Variants in GLIPR1L2 observed in about 807,000 individuals in gnomAD.
GLIPR1L2 encodes GLIPR1-like protein 2.
In GLIPR1L2, 21 loss-of-function variants were observed where a neutral mutation model predicts 28.4. That is an observed-to-expected ratio of 0.74 (90% CI 0.52 to 1.06). The LOEUF is 1.06. Among genes scored for constraint, GLIPR1L2 ranks in the 50% least tolerant of loss-of-function variants. GLIPR1L2 has a pLI of 0.00. For synonymous variants in GLIPR1L2, 145 were observed against 139.3 expected (o/e 1.04, Z -0.29); for missense variants, 476 against 416.9 (o/e 1.14, Z -1.23).
intron 1 of GLIPR1L2, among the ~76,000 whole-genome samples, chr12:75,398,190 GT>G (rs2045701351): frequency 6.6e-6 from 1 of 151,704 alleles, no homozygotes; most frequent in Admixed American, 6.6e-5. Flanking sequence ...ATTGCCGAGC[GT>G]TGTGGCAGGC....
chr12:75,418,687 T>G (rs1396311433), intron 3 of GLIPR1L2, among the ~76,000 whole-genome samples: 2 of 152,176 alleles, frequency 1.3e-5, no homozygotes, highest in South Asian at 2.1e-4. Context: ...ATATGAAATT[T>G]AAAGTAGTTT....
intron 1 of GLIPR1L2, among the ~76,000 whole-genome samples, chr12:75,404,623 T>A (rs2045776671): frequency 6.6e-6 from 1 of 152,078 alleles, no homozygotes; most frequent in Non-Finnish European, 1.5e-5. Flanking sequence ...AATAAAGATG[T>A]AGTAAAAATG....
chr12:75,412,573 A>G lies in GLIPR1L2; in HGVS notation c.481-1025A>G, dbSNP rs2045879546. Among the ~76,000 whole-genome samples the G allele has an allele frequency of 2.0e-5, 3 of 152,192 alleles. No individual in the cohort carries two copies. In the South Asian group the frequency reaches 6.2e-4, roughly 32 times the overall value. On this transcript the variant is annotated intron_variant, in intron 2 of 5. Coordinates refer to ENST00000550916, the MANE Select transcript of GLIPR1L2 (RefSeq NM_001270396.2). ...ACTTCTCAAAAGAAGACATTTATGC[A>G]GCCAAAAAACACATGAAAAAATGCT...
chr12:75,424,289 G>A (rs1445849587), intron 4 of GLIPR1L2, among the ~76,000 whole-genome samples: 2 of 152,110 alleles, frequency 1.3e-5, no homozygotes, highest in African/African-American at 2.4e-5. Context: ...ATCTCATTGT[G>A]GTTTTGATTT....
chr12:75,401,351 G>A (rs961280908), intron 1 of GLIPR1L2, among the ~76,000 whole-genome samples: 7 of 149,104 alleles, frequency 4.7e-5, no homozygotes, highest in African/African-American at 1.7e-4. Flanking sequence ...TAGAAATGAA[G>A]ACTAAAGATA....
intron 1 of GLIPR1L2, among the ~76,000 whole-genome samples, chr12:75,406,842 C>T (rs1331732784): frequency 6.6e-6 from 1 of 151,204 alleles, no homozygotes; most frequent in African/African-American, 2.4e-5. Flanking sequence ...TCTCTCTCTA[C>T]TTAACCAAAC....
rs948400671 is a variant in GLIPR1L2, at chr12:75,432,214, G to A, written c.*1053G>A. ...CTTTTATTACTCAATTTTAAAATAG[G>A]CAAAAAGCAATGTATAATATTTTTC... On this transcript the variant is annotated 3_prime_UTR_variant, in exon 6 of 6. Transcript: ENST00000550916. 4 of 152,002 alleles carry A rather than the reference G, an allele frequency of 2.6e-5. No homozygotes were observed. Among genetic ancestry groups the A allele is most frequent in the African/African-American group, 7.3e-5 (3 of 41,376 alleles). The allele number at this position is 152,002 out of a possible 1,614,324, so 9.4% of individuals were successfully genotyped here.
At chr12:75,410,331 G>T in intron 1 of GLIPR1L2, 103 bp from the exon 2 acceptor site, 1 of 1,116,146 alleles carries the variant, frequency 9.0e-7, no homozygotes, top group Non-Finnish European at 1.2e-6. Flanking sequence ...CAAGTACAAA[G>T]TTAGAATTGT....
chr12:75,402,210 TACAG>T (rs1322693328), intron 1 of GLIPR1L2, among the ~76,000 whole-genome samples: 1 of 152,048 alleles, frequency 6.6e-6, no homozygotes, highest in African/African-American at 2.4e-5. Context: ...GCAAAGTAAA[TACAG>T]AAAGAGAAAA....
intron 3 of GLIPR1L2, among the ~76,000 whole-genome samples, chr12:75,414,456 T>G (rs1023553374): frequency 6.6e-6 from 1 of 152,070 alleles, no homozygotes; most frequent in Non-Finnish European, 1.5e-5. Flanking sequence ...ATAAAATGCT[T>G]TGGGACTAAA....
chr12:75,412,205 C>G (rs61932208), intron 2 of GLIPR1L2, among the ~76,000 whole-genome samples: 3,510 of 152,110 alleles, frequency 0.023, 56 homozygotes, highest in South Asian at 0.045. Flanking sequence ...TCATCTTCCT[C>G]TCTTCCAATA....
chr12:75,425,549 AG>A (rs1487831230), intron 4 of GLIPR1L2, among the ~76,000 whole-genome samples: 2 of 152,242 alleles, frequency 1.3e-5, no homozygotes, highest in Non-Finnish European at 2.9e-5. Flanking sequence ...GTCCCAGCAC[AG>A]GGCCAGCCCC....
intron 3 of GLIPR1L2, among the ~76,000 whole-genome samples, chr12:75,416,759 A>G (rs1466840875): frequency 6.6e-6 from 1 of 151,796 alleles, no homozygotes; most frequent in Non-Finnish European, 1.5e-5. Context: ...TTTTCTTGCT[A>G]CTCTCTTATT....
In GLIPR1L2 at chr12:75,410,681, T is replaced by A. The variant is rs1416108852; in HGVS notation, c.480+2T>A. 1 of 1,573,574 alleles carries A rather than the reference T, an allele frequency of 6.4e-7. No individual in the cohort carries two copies. Among genetic ancestry groups the A allele is most frequent in the East Asian group, 2.3e-5 (1 of 44,262 alleles). On this transcript the variant is annotated splice_donor_variant, in intron 2 of 5. Coordinates refer to ENST00000550916, the MANE Select transcript of GLIPR1L2 (RefSeq NM_001270396.2). LOFTEE classifies it high-confidence loss of function. ...GGAGACTGTTCTAATTATATTCAGG[T>A]ATGTAATTTTTATTTTGTTATTAAT...
chr12:75,417,405 T>A (rs2045933701), intron 3 of GLIPR1L2, among the ~76,000 whole-genome samples: 1 of 152,148 alleles, frequency 6.6e-6, no homozygotes, highest in African/African-American at 2.4e-5. Flanking sequence ...GATTTTGGAC[T>A]TTGGGCCTCC....
At chr12:75,403,040 T>C (rs1323446616) in intron 1 of GLIPR1L2, 3 of 457,232 alleles carry the variant, frequency 6.6e-6, no homozygotes, top group South Asian at 3.1e-5. Context: ...GTGACTCCGA[T>C]GGTAGCAGAT....
chr12:75,404,448 T>A (rs2045775186), intron 1 of GLIPR1L2, among the ~76,000 whole-genome samples: 1 of 152,166 alleles, frequency 6.6e-6, no homozygotes, highest in African/African-American at 2.4e-5. Flanking sequence ...TTTAGTAATG[T>A]TGGTTTAATA....
Position 75,391,244 on chromosome 12 carries a change from G to C in GLIPR1L2, c.128G>C (p.Arg43Thr), listed in dbSNP as rs371840881. ...LLLLGSSLNARFLPDEEDVDF... is the reference protein window; with the variant it reads ...LLLLGSSLNATFLPDEEDVDF... The stretch of plus-strand genomic sequence containing the variant: ...CTACTGGGTTCTAGTTTGAACGCCA[G>C]ATTTTTGCCAGACGAGGAGGACGTA... The change falls in exon 1 of 6, where the codon AGA becomes ACA. Residue 43 changes from arginine (R) to threonine (T), a missense_variant. Physicochemically the swap from Arg to Thr is moderately conservative, Grantham distance 71 (BLOSUM62 -1). Transcript: ENST00000550916. 1 of 1,614,242 alleles carries C rather than the reference G, an allele frequency of 6.2e-7. No homozygotes were observed. The highest frequency in any genetic ancestry group is 1.3e-5 in the African/African-American group (1 of 75,070).
chr12:75,398,883 T>C (rs1400061029), intron 1 of GLIPR1L2, among the ~76,000 whole-genome samples: 1 of 152,200 alleles, frequency 6.6e-6, no homozygotes, highest in Non-Finnish European at 1.5e-5. Context: ...TATATGTGAT[T>C]ATCTAGACCA....
Sources: allele counts gnomAD v4.1 joint callset (sites outside exome capture counted in the v4.1 genomes callset), GRCh38; gene constraint gnomAD v4.1.1; transcripts MANE v1.5; gene names NCBI Gene and HGNC (gene_info 2026-07-23, HGNC 2026-07-21).